Variants in DACH1 observed in about 807,000 individuals in gnomAD.
The protein encoded by DACH1 is dachshund homolog 1.
DACH1 carries 12 observed loss-of-function variants against 54.2 expected under a neutral mutation model. That is an observed-to-expected ratio of 0.22 (90% confidence interval 0.14 to 0.36). The LOEUF (loss-of-function observed/expected upper bound fraction) is 0.36. Among genes scored for constraint, DACH1 ranks in the 10% least tolerant of loss-of-function variants. The pLI, the probability that DACH1 is intolerant of heterozygous loss-of-function variation, is 1.00. For synonymous variants in DACH1, 386 were observed against 366.2 expected (o/e 1.05, Z -0.62); for missense variants, 805 against 929.8 (o/e 0.87, Z 1.75).
At chr13:71,808,048 C>T (rs1390006790) in intron 1 of DACH1, among the ~76,000 whole-genome samples, 2 of 152,132 alleles carry the variant, frequency 1.3e-5, no homozygotes, top group African/African-American at 2.4e-5. Flanking sequence ...ACATAAGATT[C>T]TTTGTGATCT....
intron 3 of DACH1, among the ~76,000 whole-genome samples, chr13:71,592,263 A>G (rs1873763000): frequency 6.6e-6 from 1 of 152,072 alleles, no homozygotes; most frequent in African/African-American, 2.4e-5. Flanking sequence ...TGTAATCTCA[A>G]TATTTTTGGA....
intron 6 of DACH1, among the ~76,000 whole-genome samples, chr13:71,543,704 C>A (rs563567143): frequency 6.6e-5 from 10 of 152,202 alleles, no homozygotes; most frequent in African/African-American, 2.2e-4. Flanking sequence ...GGGGACAATA[C>A]TGATATGGAG....
At chr13:71,690,800 T>C (rs1881440507) in intron 1 of DACH1, among the ~76,000 whole-genome samples, 1 of 151,892 alleles carries the variant, frequency 6.6e-6, no homozygotes, top group African/African-American at 2.4e-5. Flanking sequence ...GGCATGGTGG[T>C]GCATGCCTGT....
intron 6 of DACH1, among the ~76,000 whole-genome samples, chr13:71,543,496 A>G (rs1284103592): frequency 6.6e-6 from 1 of 152,136 alleles, no homozygotes; most frequent in African/African-American, 2.4e-5. Context: ...TTCTATTACT[A>G]TGATTAAAGA....
At chr13:71,860,258 C>T (rs1874265024) in intron 1 of DACH1, among the ~76,000 whole-genome samples, 1 of 151,170 alleles carries the variant, frequency 6.6e-6, no homozygotes, top group African/African-American at 2.4e-5. Context: ...AGATATACAT[C>T]TCTTAAACTG....
intron 1 of DACH1, among the ~76,000 whole-genome samples, chr13:71,778,091 ACAATAAAT>A (rs1386854025): frequency 2.3e-5 from 3 of 132,848 alleles, no homozygotes; most frequent in Non-Finnish European, 4.9e-5. Context: ...GACCCTGTCT[ACAATAAAT>A]AAATAAATAA....
chr13:71,751,986 C>G (rs1177773936), intron 1 of DACH1, among the ~76,000 whole-genome samples: 1 of 152,070 alleles, frequency 6.6e-6, no homozygotes, highest in Non-Finnish European at 1.5e-5. Flanking sequence ...TCTCTTGATT[C>G]TGTGAGTCCC....
At chr13:71,739,768 T>G in intron 1 of DACH1, among the ~76,000 whole-genome samples, 1 of 152,186 alleles carries the variant, frequency 6.6e-6, no homozygotes, top group East Asian at 1.9e-4. Flanking sequence ...TCTCTATTTT[T>G]TATCATCAAG....
Position 71,858,759 on chromosome 13 carries a change from T to C in DACH1, c.848+7163A>G, listed in dbSNP as rs569767753. Among the ~76,000 whole-genome samples the C allele has an allele frequency of 2.0e-5, 3 of 151,870 alleles. No homozygotes were observed. The East Asian group carries it at 5.8e-4, about 29-fold the overall frequency. On this transcript the variant is annotated intron_variant, in intron 1 of 10. Coordinates refer to ENST00000613252, the MANE Select transcript of DACH1 (RefSeq NM_080759.6). ...TAAGTGATATCATGCAGTATTTGTC[T>C]TTCTGTGCCTGGCTTATTTCACTTT...
intron 1 of DACH1, among the ~76,000 whole-genome samples, chr13:71,847,249 C>T (rs913177201): frequency 6.6e-6 from 1 of 152,056 alleles, no homozygotes; most frequent in African/African-American, 2.4e-5. Context: ...ATATAAAAAT[C>T]TAAAACATAT....
chr13:71,642,810 C>T (rs1189932304), intron 2 of DACH1, among the ~76,000 whole-genome samples: 1 of 152,030 alleles, frequency 6.6e-6, no homozygotes, highest in Non-Finnish European at 1.5e-5. Context: ...CACTTGAGGT[C>T]AGGAGTTCGA....
At chr13:71,784,845 AAATAG>A (rs1423173781) in intron 1 of DACH1, among the ~76,000 whole-genome samples, 1 of 152,174 alleles carries the variant, frequency 6.6e-6, no homozygotes, top group African/African-American at 2.4e-5. Context: ...ATGTGCTGAT[AAATAG>A]AATAGCCACT....
At chr13:71,576,936 C>T (rs762764191) in intron 3 of DACH1, among the ~76,000 whole-genome samples, 4 of 152,132 alleles carry the variant, frequency 2.6e-5, no homozygotes, top group African/African-American at 4.8e-5. Flanking sequence ...TTCCCCTGCA[C>T]CACAACTTCT....
At chr13:71,589,149 C>T (rs182174593) in intron 3 of DACH1, among the ~76,000 whole-genome samples, 1 of 152,056 alleles carries the variant, frequency 6.6e-6, no homozygotes, top group African/African-American at 2.4e-5. Flanking sequence ...TTCAAGAAAG[C>T]TGCTTTTAGT....
Position 71,748,844 on chromosome 13 carries a change from C to CTCTT in DACH1, c.849-66938_849-66935dup, listed in dbSNP as rs201889116. On this transcript the variant is annotated intron_variant, in intron 1 of 10. Transcript: ENST00000613252. Reference sequence around the variant, plus strand: ...ACCTGAAATATAAAAAATATTTTTTCTCTTTCTTTCTTTCTTTCTTTCTTT... The same window carrying CTCTT: ...ACCTGAAATATAAAAAATATTTTTTCTCTTTCTTTCTTTCTTTCTTTCTTTCTTT... 3.1e-3 allele frequency among the ~76,000 whole-genome samples: 413 copies of CTCTT among 131,120 alleles called. 14 individuals carry two copies. The highest frequency in any genetic ancestry group is 0.019 in the Middle Eastern group (5 of 270). 86.0% of individuals were successfully genotyped at this position (131,120 alleles called of 152,430 possible).
intron 2 of DACH1, among the ~76,000 whole-genome samples, chr13:71,675,692 G>C (rs1253064565): frequency 6.6e-6 from 1 of 152,124 alleles, no homozygotes. Flanking sequence ...TAAATGTGGA[G>C]ACGTAAAGCA....
Position 71,729,589 on chromosome 13 carries a change from A to T in DACH1, c.849-47679T>A, listed in dbSNP as rs552050437. On this transcript the variant is annotated intron_variant, in intron 1 of 10. Transcript: ENST00000613252. ...TATGTTACATCCCTTAATACTGTTA[A>T]ATGTTAGTCAGGTCCTGTGGAATCT... Among the ~76,000 whole-genome samples the T allele has an allele frequency of 2.4e-4, 37 of 152,188 alleles. 1 individual carries two copies. The South Asian group carries it at 7.7e-3, about 32-fold the overall frequency.
chr13:71,775,298 C>T (rs754796706), intron 1 of DACH1, among the ~76,000 whole-genome samples: 1 of 151,772 alleles, frequency 6.6e-6, no homozygotes, highest in Non-Finnish European at 1.5e-5. Flanking sequence ...GGGCAAGTCT[C>T]TTCAAGAAAA....
chr13:71,596,372 C>T lies in DACH1; in HGVS notation c.1127-23360G>A, dbSNP rs143159174. ...AGACGACATGATTCTGCCCTCAAAGCGCTAATAGCCTACTGGAGAGGAAAA... is the reference window on the plus strand; with the variant it reads ...AGACGACATGATTCTGCCCTCAAAGTGCTAATAGCCTACTGGAGAGGAAAA... On this transcript the variant is annotated intron_variant, in intron 3 of 10. Transcript: ENST00000613252. Among the ~76,000 whole-genome samples, 1,345 of 152,140 alleles carry T rather than the reference C, an allele frequency of 8.8e-3. 21 individuals are homozygous for T. Among genetic ancestry groups the T allele is most frequent in the African/African-American group, 0.029 (1,209 of 41,498 alleles).
Sources: allele counts gnomAD v4.1 joint callset (sites outside exome capture counted in the v4.1 genomes callset), GRCh38; gene constraint gnomAD v4.1.1; transcripts MANE v1.5; gene names NCBI Gene and HGNC (gene_info 2026-07-23, HGNC 2026-07-21).